PRKCZ: variants seen among roughly 807,000 people sequenced by gnomAD.
The protein encoded by PRKCZ is protein kinase C zeta type.
PRKCZ carries 33 observed loss-of-function variants against 79.5 expected under a neutral mutation model. That is an observed-to-expected ratio of 0.41 (90% CI 0.31 to 0.55). The LOEUF (loss-of-function observed/expected upper bound fraction) is 0.55. PRKCZ is among the 20% of genes least tolerant of loss of function. The pLI, the probability that PRKCZ is intolerant of heterozygous loss-of-function variation, is 0.19. For missense variants in PRKCZ, 578 were observed against 813.5 expected (o/e 0.71, Z 3.52); for synonymous variants, 342 against 320.9 (o/e 1.07, Z -0.70).
At chr1:2,166,496 C>G (rs1451468298) in intron 10 of PRKCZ, among the ~76,000 whole-genome samples, 3 of 152,216 alleles carry the variant, frequency 2.0e-5, no homozygotes, top group East Asian at 3.9e-4. Flanking sequence ...GCTCCTCTCC[C>G]CTTGCAAACA....
intron 4 of PRKCZ, among the ~76,000 whole-genome samples, chr1:2,090,588 GA>G (rs1319185941): frequency 2.6e-5 from 4 of 152,210 alleles, no homozygotes; most frequent in Non-Finnish European, 5.9e-5. Context: ...TGGTTTTGAA[GA>G]AACACCAGTG....
rs911384259 is a variant in PRKCZ, at chr1:2,125,660, G to A, written c.335-9602G>A. Reference sequence around the variant, plus strand: ...AGACTGAGACCCTGTGGTGCCTCCCGCTTTCCATCCGCATTCCATGGCAGG... The same window carrying A: ...AGACTGAGACCCTGTGGTGCCTCCCACTTTCCATCCGCATTCCATGGCAGG... On this transcript the variant is annotated intron_variant, in intron 4 of 17. Coordinates refer to ENST00000378567, the MANE Select transcript of PRKCZ (RefSeq NM_002744.6). The surrounding 1 kb of genome is among the most constrained non-coding windows in gnomAD (Gnocchi z 4.2). 2.6e-5 allele frequency among the ~76,000 whole-genome samples: 4 copies of A among 152,222 alleles called. No individual in the cohort carries two copies. The highest frequency in any genetic ancestry group is 1.9e-4 in the East Asian group (1 of 5,196).
intron 4 of PRKCZ, among the ~76,000 whole-genome samples, chr1:2,089,083 G>A (rs6684579): frequency 0.42 from 64,367 of 152,094 alleles, 15,465 homozygotes; most frequent in East Asian, 0.96. Flanking sequence ...AATGGTGCCA[G>A]TTCTGTTCCG....
intron 4 of PRKCZ, among the ~76,000 whole-genome samples, chr1:2,124,487 G>C (rs1571624424): frequency 6.6e-6 from 1 of 152,150 alleles, no homozygotes; most frequent in East Asian, 1.9e-4. Context: ...CACAAGAGAG[G>C]TTGTGCTGCG....
chr1:2,072,301 C>T (rs909552655), intron 4 of PRKCZ, among the ~76,000 whole-genome samples: 2 of 152,222 alleles, frequency 1.3e-5, no homozygotes, highest in African/African-American at 4.8e-5. Flanking sequence ...GGTTTATGAG[C>T]TTGATGATTT....
chr1:2,121,454 T>G (rs1047117209), intron 4 of PRKCZ, among the ~76,000 whole-genome samples: 7 of 116,172 alleles, frequency 6.0e-5, no homozygotes, highest in Non-Finnish European at 9.6e-5. Context: ...ATGGCGGTAG[T>G]TAGTTAGAGT....
At chr1:2,138,434 G>A (rs576261505) in intron 5 of PRKCZ, among the ~76,000 whole-genome samples, 2 of 152,340 alleles carry the variant, frequency 1.3e-5, no homozygotes, top group South Asian at 2.1e-4. Flanking sequence ...GGTGCCGGGG[G>A]TGGCAGGGAA....
intron 4 of PRKCZ, among the ~76,000 whole-genome samples, chr1:2,083,079 G>C (rs1192442172): frequency 6.6e-6 from 1 of 152,134 alleles, no homozygotes; most frequent in African/African-American, 2.4e-5. Context: ...TAAATACCTT[G>C]GTCCAAATTT....
intron 4 of PRKCZ, among the ~76,000 whole-genome samples, chr1:2,071,108 C>T (rs1019273623): frequency 7.2e-6 from 1 of 139,552 alleles, no homozygotes; most frequent in Non-Finnish European, 1.5e-5. Flanking sequence ...GGCGCCTGCA[C>T]TGCCAGGTTC....
rs549544235 is a variant in PRKCZ at position 2,101,714 on chromosome 1, C to A, written c.335-33548C>A. On this transcript the variant is annotated intron_variant, in intron 4 of 17. Coordinates refer to ENST00000378567, the MANE Select transcript of PRKCZ (RefSeq NM_002744.6). ...CGAAGATGACATGAGCCCGTGCATC[C>A]TGGGTCTGGACCGCATCTGATACTT... 2.0e-5 allele frequency among the ~76,000 whole-genome samples: 3 copies of A among 152,286 alleles called. No individual in the cohort carries two copies. In the South Asian group the frequency reaches 6.2e-4, roughly 32 times the overall value.
chr1:2,087,683 G>A (rs1664767243), intron 4 of PRKCZ, among the ~76,000 whole-genome samples: 2 of 152,194 alleles, frequency 1.3e-5, no homozygotes, highest in South Asian at 2.1e-4. Flanking sequence ...AGAAAGACGT[G>A]AAGAGAGTAA....
intron 4 of PRKCZ, among the ~76,000 whole-genome samples, chr1:2,112,545 C>G (rs3107141): frequency 1.3e-5 from 2 of 152,040 alleles, no homozygotes; most frequent in African/African-American, 2.4e-5. Flanking sequence ...CCGCTTGGAG[C>G]GGAGGTGAAT....
intron 9 of PRKCZ, among the ~76,000 whole-genome samples, chr1:2,153,430 C>T (rs769947463): frequency 2.0e-5 from 3 of 152,202 alleles, no homozygotes; most frequent in East Asian, 1.9e-4. Flanking sequence ...CAGCCATGCT[C>T]GGGGCTGGGA....
intron 10 of PRKCZ, among the ~76,000 whole-genome samples, chr1:2,158,857 A>G (rs763071955): frequency 9.2e-5 from 14 of 151,964 alleles, no homozygotes; most frequent in Non-Finnish European, 2.1e-4. Context: ...CCGCAGCGGC[A>G]CCAATCACTG....
At position 2,172,269 on chromosome 1, in the gene PRKCZ, A is replaced by G. The variant is rs772723663; in HGVS notation, c.1198-32A>G. 2 of 1,613,520 alleles carry G rather than the reference A, an allele frequency of 1.2e-6. No homozygotes were observed. The highest frequency in any genetic ancestry group is 2.2e-5 in the South Asian group (2 of 91,082). Reference sequence around the variant, plus strand: ...CCTGTCCCGCGGGGTAGTGTCTACAAGAACCCTCTCCCAGTAACTTTGCCC... The same window carrying G: ...CCTGTCCCGCGGGGTAGTGTCTACAGGAACCCTCTCCCAGTAACTTTGCCC... On this transcript the variant is annotated intron_variant, in intron 12 of 17. Transcript: ENST00000378567. The surrounding 1 kb of genome is among the most constrained non-coding windows in gnomAD (Gnocchi z 7.8).
intron 4 of PRKCZ, among the ~76,000 whole-genome samples, chr1:2,130,165 C>T (rs1674682905): frequency 1.3e-5 from 2 of 152,326 alleles, no homozygotes; most frequent in South Asian, 2.1e-4. Flanking sequence ...CTCGACCTAC[C>T]GAGGTAGTGG....
At chr1:2,070,524 C>T (rs1571153951) in intron 4 of PRKCZ, among the ~76,000 whole-genome samples, 2 of 152,164 alleles carry the variant, frequency 1.3e-5, no homozygotes, top group South Asian at 2.1e-4. Flanking sequence ...ACTTGGCAAG[C>T]GGGAGGTTTT....
intron 4 of PRKCZ, among the ~76,000 whole-genome samples, chr1:2,118,056 G>T (rs942036055): frequency 1.5e-5 from 2 of 134,710 alleles, no homozygotes; most frequent in Non-Finnish European, 3.1e-5. Flanking sequence ...GAGTTCAGTG[G>T]CCCGATCTGG....
At position 2,178,294 on chromosome 1, in the gene PRKCZ, C is replaced by T. The variant is rs1262067020; in HGVS notation, c.1575+2981C>T. 5.3e-5 allele frequency among the ~76,000 whole-genome samples: 8 copies of T among 152,254 alleles called. No individual in the cohort carries two copies. Among genetic ancestry groups the T allele is most frequent in the South Asian group, 2.1e-4 (1 of 4,830 alleles). On this transcript the variant is annotated intron_variant, in intron 16 of 17. Transcript: ENST00000378567. The surrounding 1 kb of genome is among the most constrained non-coding windows in gnomAD (Gnocchi z 4.3). ...CATGGAAGTGGACCTGGGCACACCG[C>T]GGCCTTTCGTGCCTGCCCTCCCCTC...
Sources: gnomAD v4.1 joint callset for allele counts (sites outside exome capture counted in the v4.1 genomes callset) on GRCh38, gnomAD v4.1.1 for gene constraint, Gnocchi (gnomAD v3.1) non-coding constraint, MANE v1.5 for transcripts, NCBI Gene and HGNC (gene_info 2026-07-23, HGNC 2026-07-21) for gene names.